Variants in CYB5R4 observed in about 807,000 individuals in gnomAD.
CYB5R4 encodes cytochrome b5 reductase 4, also known as N-terminal cytochrome b5 and cytochrome b5 oxidoreductase domain-containing protein.
A neutral mutation model predicts 70.2 loss-of-function variants in CYB5R4; 55 were observed. The ratio of observed to expected loss-of-function variants is 0.78; its 90% CI spans 0.63 to 0.98. The LOEUF (loss-of-function observed/expected upper bound fraction) is 0.98. Ranked by LOEUF, CYB5R4 falls within the 50% of genes least tolerant of loss-of-function variation. CYB5R4 has a pLI of 0.00. For missense variants in CYB5R4, 562 were observed against 612.6 expected, an observed-to-expected ratio of 0.92 and a Z score of 0.87; for synonymous variants, 197 against 199.5, an observed-to-expected ratio of 0.99 and a Z score of 0.11.
intron 14 of CYB5R4, among the ~76,000 whole-genome samples, chr6:83,955,012 C>A (rs931868957): frequency 3.3e-5 from 5 of 151,666 alleles, no homozygotes; most frequent in African/African-American, 1.2e-4. Flanking sequence ...TCCCAAGATG[C>A]TAGGGTTACA....
intron 2 of CYB5R4, among the ~76,000 whole-genome samples, chr6:83,870,780 C>T (rs1159636547): frequency 6.6e-6 from 1 of 151,976 alleles, no homozygotes; most frequent in Admixed American, 6.6e-5. Context: ...ACCTCAAACT[C>T]AGTACTCACA....
chr6:83,903,595 G>T (rs748695488), intron 3 of CYB5R4, among the ~76,000 whole-genome samples: 4 of 151,960 alleles, frequency 2.6e-5, no homozygotes, highest in Admixed American at 2.6e-4. Flanking sequence ...AATAATTTGA[G>T]GAGGATTTTG....
chr6:83,862,717 C>A (rs61761480), intron 1 of CYB5R4, among the ~76,000 whole-genome samples: 1 of 152,196 alleles, frequency 6.6e-6, no homozygotes, highest in African/African-American at 2.4e-5. Flanking sequence ...GGAGGGAGAG[C>A]CTGTGATTAG....
chr6:83,892,046 A>G (rs570924740), intron 2 of CYB5R4, among the ~76,000 whole-genome samples: 1 of 152,062 alleles, frequency 6.6e-6, no homozygotes, highest in Non-Finnish European at 1.5e-5. Context: ...AATCATTACC[A>G]CTCACGTTTT....
At chr6:83,870,004 A>C (rs1429807207) in intron 2 of CYB5R4, among the ~76,000 whole-genome samples, 1 of 152,206 alleles carries the variant, frequency 6.6e-6, no homozygotes, top group Non-Finnish European at 1.5e-5. Flanking sequence ...TTTCATTCAG[A>C]CCTGAGTTAT....
chr6:83,888,933 G>T (rs1329569347), intron 2 of CYB5R4, among the ~76,000 whole-genome samples: 1 of 152,164 alleles, frequency 6.6e-6, no homozygotes, highest in Admixed American at 6.5e-5. Flanking sequence ...AACCTTATTG[G>T]TGATATGGAG....
intron 10 of CYB5R4, among the ~76,000 whole-genome samples, chr6:83,928,277 T>C (rs1452409561): frequency 6.6e-6 from 1 of 152,204 alleles, no homozygotes; most frequent in Non-Finnish European, 1.5e-5. Flanking sequence ...AAACAGAGTA[T>C]GGGAAATTTA....
chr6:83,910,259 G>T (rs1424754505), intron 4 of CYB5R4: 2 of 874,120 alleles, frequency 2.3e-6, no homozygotes, highest in East Asian at 5.3e-5. Context: ...TCTTCTAGAA[G>T]CCTCAGTTTC....
At chr6:83,943,856 T>A (rs1424637877) in intron 14 of CYB5R4, among the ~76,000 whole-genome samples, 1 of 151,572 alleles carries the variant, frequency 6.6e-6, no homozygotes. Context: ...AGAAAGGATA[T>A]CAGAGATTGA....
chr6:83,865,757 A>C (rs2099456629), intron 2 of CYB5R4, among the ~76,000 whole-genome samples: 3 of 152,160 alleles, frequency 2.0e-5, no homozygotes, highest in Admixed American at 2.0e-4. Flanking sequence ...AGTTCCACCC[A>C]TAACAGACAC....
intron 1 of CYB5R4, among the ~76,000 whole-genome samples, chr6:83,860,685 CTT>C (rs1465900101): frequency 1.3e-4 from 20 of 152,176 alleles, no homozygotes; most frequent in African/African-American, 4.6e-4. Context: ...ACTCTTGAGT[CTT>C]AGCATCGTTT....
chr6:83,945,502 A>G (rs2129144063), intron 14 of CYB5R4, among the ~76,000 whole-genome samples: 1 of 152,288 alleles, frequency 6.6e-6, no homozygotes, highest in East Asian at 1.9e-4. Context: ...TAACATCACA[A>G]TGAGAAGAAC....
At chr6:83,878,929 C>T (rs554022141) in intron 2 of CYB5R4, among the ~76,000 whole-genome samples, 1 of 152,226 alleles carries the variant, frequency 6.6e-6, no homozygotes, top group Admixed American at 6.5e-5. Flanking sequence ...TCTTGTTCTA[C>T]TCTTAGCTGA....
At chr6:83,931,474 T>C (rs1377792753) in intron 10 of CYB5R4, among the ~76,000 whole-genome samples, 3 of 152,218 alleles carry the variant, frequency 2.0e-5, no homozygotes, top group African/African-American at 7.2e-5. Flanking sequence ...CTTGTGAAAT[T>C]CTATTTTTTA....
intron 14 of CYB5R4, among the ~76,000 whole-genome samples, chr6:83,944,149 G>A (rs1364762936): frequency 6.6e-6 from 1 of 152,030 alleles, no homozygotes; most frequent in Non-Finnish European, 1.5e-5. Flanking sequence ...CACCAAGGTT[G>A]AAATGAAGGA....
chr6:83,887,113 ATTC>A (rs1426362199), intron 2 of CYB5R4, among the ~76,000 whole-genome samples: 2 of 152,216 alleles, frequency 1.3e-5, no homozygotes, highest in African/African-American at 4.8e-5. Context: ...GAGAGAAAGA[ATTC>A]TTTCTGTATA....
chr6:83,909,195 A>C (rs2099464290), intron 4 of CYB5R4, 105 bp downstream of exon 4: 7 of 853,620 alleles, frequency 8.2e-6, no homozygotes, highest in Non-Finnish European at 1.1e-5. Context: ...ATGGTTTTGT[A>C]ATTTTCATTG....
chr6:83,910,730 A>G (rs1053602996), intron 4 of CYB5R4, among the ~76,000 whole-genome samples: 9 of 152,210 alleles, frequency 5.9e-5, no homozygotes, highest in African/African-American at 2.2e-4. Flanking sequence ...GGAATGGAAA[A>G]TAACTGACAA....
rs2129142511 is a variant in CYB5R4, at chr6:83,936,382, T to G, written c.1108+6T>G. Reference sequence around the variant, plus strand: ...GCTTGATCGTCTTCAGATTGGTTAGTATTTTTACATTTTTTAAACCTCATT... The same window carrying G: ...GCTTGATCGTCTTCAGATTGGTTAGGATTTTTACATTTTTTAAACCTCATT... On this transcript the variant is annotated splice_donor_region_variant and intron_variant, in intron 12 of 15. Coordinates refer to ENST00000369681, the MANE Select transcript of CYB5R4 (RefSeq NM_016230.4). 1 of 1,611,212 alleles carries G rather than the reference T, an allele frequency of 6.2e-7. No homozygotes were observed. Among genetic ancestry groups the G allele is most frequent in the East Asian group, 2.2e-5 (1 of 44,766 alleles).
Sources: allele counts gnomAD v4.1 joint callset (sites outside exome capture counted in the v4.1 genomes callset), GRCh38; gene constraint gnomAD v4.1.1; transcripts MANE v1.5; gene names NCBI Gene and HGNC (gene_info 2026-07-23, HGNC 2026-07-21).